The following ZBTB20 variants were observed in gnomAD, a reference collection of about 807,000 sequenced individuals.
The protein encoded by ZBTB20 is zinc finger and BTB domain containing 20, also known as zinc finger and BTB domain-containing protein 20.
In ZBTB20, 9 loss-of-function variants were observed where a neutral mutation model predicts 56.9. That is an observed-to-expected ratio of 0.16 (90% CI 0.10 to 0.28). ZBTB20 has a LOEUF of 0.28. Ranked by LOEUF, ZBTB20 falls within the 10% of genes least tolerant of loss-of-function variation. ZBTB20 has a pLI of 1.00. For missense variants in ZBTB20, 655 were observed against 1,003.0 expected (o/e 0.65, Z 4.69); for synonymous variants, 417 against 420.7 (o/e 0.99, Z 0.11).
chr3:114,652,212 A>G (rs1439989629), intron 6 of ZBTB20, among the ~76,000 whole-genome samples: 3 of 152,034 alleles, frequency 2.0e-5, no homozygotes, highest in Non-Finnish European at 4.4e-5. Context: ...TATCTCCCAT[A>G]AACAACCAGC....
intron 11 of ZBTB20, among the ~76,000 whole-genome samples, chr3:114,345,988 A>G (rs1311870403): frequency 2.6e-5 from 4 of 152,150 alleles, no homozygotes; most frequent in Non-Finnish European, 5.9e-5. Flanking sequence ...TTGCTTTCAA[A>G]CATGCCCTTA....
At chr3:114,889,381 C>A (rs2076723052) in intron 4 of ZBTB20, among the ~76,000 whole-genome samples, 1 of 151,680 alleles carries the variant, frequency 6.6e-6, no homozygotes, top group East Asian at 1.9e-4. Context: ...AATTAGTCAC[C>A]AAATATTCTA....
intron 7 of ZBTB20, among the ~76,000 whole-genome samples, chr3:114,485,706 T>C (rs2042039989): frequency 6.6e-6 from 1 of 152,152 alleles, no homozygotes; most frequent in African/African-American, 2.4e-5. Context: ...TGAATGGATT[T>C]GTGCCCTTAT....
intron 3 of ZBTB20, among the ~76,000 whole-genome samples, chr3:114,911,464 A>G (rs1006061401): frequency 2.0e-5 from 3 of 152,008 alleles, no homozygotes; most frequent in South Asian, 2.1e-4. Context: ...ACTCAAAATA[A>G]TGATTTTCAA....
intron 2 of ZBTB20, among the ~76,000 whole-genome samples, chr3:114,987,263 G>A (rs2078587536): frequency 6.6e-6 from 1 of 152,048 alleles, no homozygotes; most frequent in African/African-American, 2.4e-5. Context: ...TAAATAACGG[G>A]AACTTTTAGG....
intron 3 of ZBTB20, among the ~76,000 whole-genome samples, chr3:114,924,430 AG>A (rs2076076360): frequency 6.6e-6 from 1 of 152,216 alleles, no homozygotes; most frequent in Admixed American, 6.5e-5. Context: ...TGAATCTGTA[AG>A]ACATTATACT....
At chr3:114,989,528 T>G (rs1039314069) in intron 2 of ZBTB20, among the ~76,000 whole-genome samples, 11 of 151,980 alleles carry the variant, frequency 7.2e-5, no homozygotes, top group African/African-American at 1.9e-4. Context: ...TTGAAGTCAG[T>G]TAGTGTGATG....
chr3:114,848,506 G>A (rs1236670920), intron 4 of ZBTB20, among the ~76,000 whole-genome samples: 2 of 152,100 alleles, frequency 1.3e-5, no homozygotes, highest in African/African-American at 2.4e-5. Context: ...AATAGCTCTC[G>A]TCCAAACAGA....
At chr3:115,079,639 C>T (rs1160241820) in intron 1 of ZBTB20, among the ~76,000 whole-genome samples, 1 of 152,134 alleles carries the variant, frequency 6.6e-6, no homozygotes, top group African/African-American at 2.4e-5. Flanking sequence ...AGTGATCCAC[C>T]CACCTTGGCC....
intron 6 of ZBTB20, among the ~76,000 whole-genome samples, chr3:114,576,270 C>A (rs553738222): frequency 1.3e-5 from 2 of 151,832 alleles, no homozygotes; most frequent in South Asian, 4.2e-4. Context: ...GAGGCCAAGG[C>A]GGGCAGATCA....
At chr3:114,500,003 C>CAGGGGA (rs2043761616) in intron 7 of ZBTB20, among the ~76,000 whole-genome samples, 1 of 152,116 alleles carries the variant, frequency 6.6e-6, no homozygotes, top group Non-Finnish European at 1.5e-5. Context: ...TACATAATTG[C>CAGGGGA]CCAATGATTG....
intron 6 of ZBTB20, among the ~76,000 whole-genome samples, chr3:114,565,808 A>G (rs562964504): frequency 6.6e-6 from 1 of 152,272 alleles, no homozygotes; most frequent in Admixed American, 6.5e-5. Flanking sequence ...AAAAAAAAGA[A>G]GTGAAATTCT....
At chr3:114,567,134 G>T (rs1013449281) in intron 6 of ZBTB20, among the ~76,000 whole-genome samples, 1 of 152,142 alleles carries the variant, frequency 6.6e-6, no homozygotes, top group Non-Finnish European at 1.5e-5. Flanking sequence ...GTGTGTGTTT[G>T]CCTGGAGTTA....
chr3:114,651,713 G>A (rs145774925), intron 6 of ZBTB20, among the ~76,000 whole-genome samples: 13 of 152,114 alleles, frequency 8.5e-5, no homozygotes, highest in African/African-American at 2.6e-4. Flanking sequence ...AATATATTTA[G>A]AAAGCAGTAT....
chr3:115,143,333 ATAAAC>A (rs1356459515), intron 1 of ZBTB20, among the ~76,000 whole-genome samples: 1 of 152,202 alleles, frequency 6.6e-6, no homozygotes, highest in African/African-American at 2.4e-5. Flanking sequence ...AATGTCGCCT[ATAAAC>A]TAATTACAAT....
intron 6 of ZBTB20, among the ~76,000 whole-genome samples, chr3:114,608,705 C>T (rs1253534225): frequency 6.6e-6 from 1 of 152,168 alleles, no homozygotes; most frequent in Non-Finnish European, 1.5e-5. Context: ...CACAGAAGCA[C>T]CAACCTGTAA....
Position 114,317,516 on chromosome 3 carries a change from A to G in ZBTB20, c.*21489T>C, listed in dbSNP as rs1428133960. The G allele has an allele frequency of 6.6e-6, 1 of 152,162 alleles. No homozygotes were observed. The highest frequency in any genetic ancestry group is 1.5e-5 in the Non-Finnish European group (1 of 68,024). The allele number at this position is 152,162 out of a possible 1,614,324, so 9.4% of individuals were successfully genotyped here. A position where few individuals can be genotyped will look rare whatever the true frequency, so the allele number is the denominator to read the frequency against. On this transcript the variant is annotated 3_prime_UTR_variant, in exon 12 of 12. Coordinates refer to ENST00000675478, the MANE Select transcript of ZBTB20 (RefSeq NM_001348800.3). Reference sequence around the variant, plus strand: ...ATGTTCAGGAAATGCTCTGAAATCAAACGGATTTAGGCTGTCATGTACATG... The same window carrying G: ...ATGTTCAGGAAATGCTCTGAAATCAGACGGATTTAGGCTGTCATGTACATG...
chr3:114,606,553 A>T (rs1285501121), intron 6 of ZBTB20, among the ~76,000 whole-genome samples: 1 of 152,180 alleles, frequency 6.6e-6, no homozygotes, highest in African/African-American at 2.4e-5. Flanking sequence ...AAAGGAAACC[A>T]TGGGCTTCCC....
At chr3:114,477,899 TTTC>T (rs1308712684) in intron 7 of ZBTB20, among the ~76,000 whole-genome samples, 45 of 150,938 alleles carry the variant, frequency 3.0e-4, no homozygotes, top group African/African-American at 1.1e-3. Flanking sequence ...TCTTTCTTTC[TTTC>T]TTCTTTCCTT....
Sources: gnomAD v4.1 joint callset for allele counts (sites outside exome capture counted in the v4.1 genomes callset) on GRCh38, gnomAD v4.1.1 for gene constraint, MANE v1.5 for transcripts, NCBI Gene and HGNC (gene_info 2026-07-23, HGNC 2026-07-21) for gene names.